Variants in ADGRB1 observed in about 807,000 individuals in gnomAD.
ADGRB1 encodes the protein brain-specific angiogenesis inhibitor 1.
Under a neutral mutation model 175.7 loss-of-function variants are expected in ADGRB1, and 36 were observed. That is an observed-to-expected ratio of 0.20 (90% CI 0.16 to 0.27). ADGRB1 has a LOEUF of 0.27. ADGRB1 is among the 10% of genes least tolerant of loss of function. The pLI is 1.00. For missense variants in ADGRB1, 1,731 were observed against 2,255.3 expected, an observed-to-expected ratio of 0.77 and a Z score of 4.71; for synonymous variants, 1,054 against 979.4, an observed-to-expected ratio of 1.08 and a Z score of -1.42.
intron 23 of ADGRB1, among the ~76,000 whole-genome samples, chr8:142,525,412 C>T (rs1178054150): frequency 2.0e-5 from 3 of 151,968 alleles, no homozygotes; most frequent in Admixed American, 6.5e-5. Flanking sequence ...CTGACCCTGG[C>T]GGCTGTGGGA....
intron 22 of ADGRB1, 65 bp from the exon 23 acceptor site, chr8:142,524,173 C>A: frequency 6.6e-7 from 1 of 1,523,340 alleles, no homozygotes. Flanking sequence ...TCCTGAGAGG[C>A]CGGCAGCACC....
chr8:142,473,217 G>A (rs1335471954), intron 2 of ADGRB1, among the ~76,000 whole-genome samples: 6 of 152,186 alleles, frequency 3.9e-5, no homozygotes, highest in African/African-American at 7.2e-5. Context: ...CAGTTTCCAC[G>A]TCACTCAGGC....
chr8:142,522,946 C>G (rs938000393), intron 22 of ADGRB1, among the ~76,000 whole-genome samples: 1 of 152,218 alleles, frequency 6.6e-6, no homozygotes, highest in Non-Finnish European at 1.5e-5. Flanking sequence ...TTGAAAGAAA[C>G]CGGGCCATCA....
chr8:142,469,280 AGT>A (rs1840465712), intron 2 of ADGRB1, among the ~76,000 whole-genome samples: 1 of 120,110 alleles, frequency 8.3e-6, no homozygotes, highest in Admixed American at 7.9e-5. Context: ...CGTGCAGGTG[AGT>A]GAATGTGTGT....
chr8:142,528,073 T>C (rs1334197434), intron 24 of ADGRB1, among the ~76,000 whole-genome samples: 2 of 101,826 alleles, frequency 2.0e-5, no homozygotes, highest in African/African-American at 7.7e-5. Context: ...GTAGACGGGA[T>C]GGAGGTTGGG....
intron 17 of ADGRB1, among the ~76,000 whole-genome samples, chr8:142,509,112 T>C (rs565565519): frequency 9.8e-5 from 15 of 152,318 alleles, no homozygotes; most frequent in African/African-American, 3.6e-4. Context: ...TCACAGCATG[T>C]CCCTTCTCCC....
At chr8:142,507,711 G>C (rs371059615) in intron 17 of ADGRB1, among the ~76,000 whole-genome samples, 1 of 152,216 alleles carries the variant, frequency 6.6e-6, no homozygotes, top group Non-Finnish European at 1.5e-5. Context: ...CTGCACCCTC[G>C]AAGTGCTCCC....
chr8:142,537,152 C>T lies in ADGRB1; in HGVS notation c.3666+70C>T, dbSNP rs1380053901. ...TACCCCCGCCAAGTGCCTCCAGGCC[C>T]TCACCGTGCCCCAAGCTCCCCTAGG... is the stretch of plus-strand genomic sequence containing the variant. On this transcript the variant is annotated intron_variant, in intron 26 of 30. Transcript: ENST00000517894. This position sits in a 1 kb window ranked among gnomAD's most constrained non-coding sequence, Gnocchi z 4.6. 9 of 1,237,848 alleles carry T rather than the reference C, an allele frequency of 7.3e-6. No individual in the cohort carries two copies. The highest frequency in any genetic ancestry group is 6.2e-5 in the Admixed American group (2 of 32,184). 76.7% of individuals were successfully genotyped at this position (1,237,848 alleles called of 1,614,324 possible). A position where few individuals can be genotyped will look rare whatever the true frequency, so the allele number is the denominator to read the frequency against.
chr8:142,541,312 G>C (rs1429135850), intron 27 of ADGRB1, among the ~76,000 whole-genome samples: 1 of 152,168 alleles, frequency 6.6e-6, no homozygotes, highest in Non-Finnish European at 1.5e-5. Flanking sequence ...GGTCAAGGCG[G>C]CTGGGCCCCT....
chr8:142,544,055 C>G (rs1845447846), intron 30 of ADGRB1, among the ~76,000 whole-genome samples, 165 bp from the exon 31 acceptor site: 1 of 152,140 alleles, frequency 6.6e-6, no homozygotes, highest in South Asian at 2.1e-4. Context: ...CTGCCCAGCT[C>G]TGTTCTGGGC....
In ADGRB1 at chr8:142,510,374, T is replaced by C. The variant is rs1264443755; in HGVS notation, c.2676-558T>C. Reference sequence around the variant, plus strand: ...TGATGAGGCCCGGGGGAGGTGGATGTGGGGGATGGAGCGGTCCCAAGGTCG... The same window carrying C: ...TGATGAGGCCCGGGGGAGGTGGATGCGGGGGATGGAGCGGTCCCAAGGTCG... On this transcript the variant is annotated intron_variant, in intron 17 of 30. Coordinates refer to ENST00000517894, the MANE Select transcript of ADGRB1 (RefSeq NM_001702.3). This position sits in a 1 kb window ranked among gnomAD's most constrained non-coding sequence, Gnocchi z 6.3. Among the ~76,000 whole-genome samples the C allele has an allele frequency of 2.0e-5, 3 of 150,656 alleles. No homozygotes were observed. Among genetic ancestry groups the C allele is most frequent in the Non-Finnish European group, 4.4e-5 (3 of 67,566 alleles).
At chr8:142,540,000 A>G (rs28449777) in intron 27 of ADGRB1, 48,373 of 153,432 alleles carry the variant, frequency 0.32, 8,674 homozygotes, top group African/African-American at 0.5. Flanking sequence ...CGACTGCCCA[A>G]TAAAGGAAGC....
chr8:142,451,347 T>C (rs1839339104), intron 1 of ADGRB1, among the ~76,000 whole-genome samples: 2 of 152,172 alleles, frequency 1.3e-5, no homozygotes, highest in African/African-American at 4.8e-5. Context: ...TTTCCACTTT[T>C]ATTTTGGGCT....
At chr8:142,541,239 G>A (rs957753248) in intron 27 of ADGRB1, among the ~76,000 whole-genome samples, 5 of 152,102 alleles carry the variant, frequency 3.3e-5, no homozygotes, top group Admixed American at 2.6e-4. Flanking sequence ...GGGGTTCTCC[G>A]CCAGCCAGTA....
At chr8:142,463,181 C>A (rs1209031099) in intron 1 of ADGRB1, among the ~76,000 whole-genome samples, 1 of 152,158 alleles carries the variant, frequency 6.6e-6, no homozygotes, top group East Asian at 1.9e-4. Context: ...GTGGCTCCAT[C>A]CCCCCTCCAT....
chr8:142,544,416 G>A lies in ADGRB1; in HGVS notation c.4754G>A (p.Ter1585=), dbSNP rs756293754. The change falls in exon 31 of 31, where the codon TGA becomes TAA. Residue 1585 remains the stop codon, a stop_retained_variant. Transcript: ENST00000517894. Reference sequence around the variant, plus strand: ...ATCATCGACCTCCAGACCGAGGTCTGAGCGGGTGGGCGGCGGCCACGCACT... The same window carrying A: ...ATCATCGACCTCCAGACCGAGGTCTAAGCGGGTGGGCGGCGGCCACGCACT... ...QDIIDLQTEV[*] The A allele has an allele frequency of 4.6e-5, 68 of 1,477,830 alleles. No individual in the cohort carries two copies. The highest frequency in any genetic ancestry group is 5.9e-5 in the Non-Finnish European group (66 of 1,112,178). 91.5% of individuals were successfully genotyped at this position (1,477,830 alleles called of 1,614,324 possible).
chr8:142,538,600 G>A (rs546550888), intron 26 of ADGRB1, among the ~76,000 whole-genome samples: 2 of 152,304 alleles, frequency 1.3e-5, no homozygotes, highest in Admixed American at 1.3e-4. Context: ...GTGAAGGGTG[G>A]GCCTGTCCCC....
Position 142,522,063 on chromosome 8 carries a change from G to A in ADGRB1, c.3123G>A (p.Thr1041=), listed in dbSNP as rs375392590. The change falls in exon 21 of 31, where the codon ACG becomes ACA. Residue 1041 remains threonine (T), a synonymous_variant. Coordinates refer to ENST00000517894, the MANE Select transcript of ADGRB1 (RefSeq NM_001702.3). ...CCTGGCAGTCCTACATGGCGGTGAC[G>A]GGCCACCTCCGGAACCGCCTCATCC... The part of the protein sequence containing the change: ...TEAWQSYMAV[T]GHLRNRLIRK... 29 of 1,612,494 alleles carry A rather than the reference G, an allele frequency of 1.8e-5. No homozygotes were observed. Among genetic ancestry groups the A allele is most frequent in the Middle Eastern group, 1.6e-4 (1 of 6,070 alleles).
intron 16 of ADGRB1, 115 bp from the exon 17 acceptor site, chr8:142,490,657 G>A: frequency 1.6e-6 from 2 of 1,250,568 alleles, no homozygotes; most frequent in Non-Finnish European, 2.2e-6. Context: ...TCTGTTCAGG[G>A]ACCCGCACAG....
Sources: allele counts gnomAD v4.1 joint callset (sites outside exome capture counted in the v4.1 genomes callset), GRCh38; gene constraint gnomAD v4.1.1; non-coding constraint Gnocchi (gnomAD v3.1); transcripts MANE v1.5; gene names NCBI Gene and HGNC (gene_info 2026-07-23, HGNC 2026-07-21).